HS3ST5: variants seen among roughly 807,000 people sequenced by gnomAD.
The protein encoded by HS3ST5 is heparan sulfate glucosamine 3-O-sulfotransferase 5.
A neutral mutation model predicts 25.4 loss-of-function variants in HS3ST5; 10 were observed. That is an observed-to-expected ratio of 0.39 (90% CI 0.24 to 0.67). HS3ST5 has a LOEUF of 0.67. Among genes scored for constraint, HS3ST5 ranks in the 30% least tolerant of loss-of-function variants. HS3ST5 has a pLI of 0.44. For missense variants in HS3ST5, 324 were observed against 420.7 expected (o/e 0.77, Z 2.01); for synonymous variants, 170 against 162.4 (o/e 1.05, Z -0.36).
intron 1 of HS3ST5, among the ~76,000 whole-genome samples, chr6:114,324,371 C>T (rs888021907): frequency 1.3e-5 from 2 of 152,206 alleles, no homozygotes; most frequent in African/African-American, 4.8e-5. Context: ...AGTTTCAGCT[C>T]ATCACTTTTC....
chr6:114,200,117 T>A (rs887428353), intron 2 of HS3ST5, among the ~76,000 whole-genome samples: 2 of 152,204 alleles, frequency 1.3e-5, no homozygotes, highest in African/African-American at 2.4e-5. Flanking sequence ...CTTGGGAGGC[T>A]GAGGCAGGAG....
At chr6:114,247,384 G>A (rs555743476) in intron 1 of HS3ST5, among the ~76,000 whole-genome samples, 4 of 152,156 alleles carry the variant, frequency 2.6e-5, no homozygotes, top group Non-Finnish European at 4.4e-5. Context: ...GATGAAAACC[G>A]GAAAATTGCA....
intron 2 of HS3ST5, among the ~76,000 whole-genome samples, chr6:114,190,890 C>T (rs1427267742): frequency 6.6e-6 from 1 of 152,182 alleles, no homozygotes; most frequent in Non-Finnish European, 1.5e-5. Flanking sequence ...AAGAGCTTCT[C>T]TGGCTGATAT....
intron 3 of HS3ST5, among the ~76,000 whole-genome samples, chr6:114,069,516 AT>A (rs373504728): frequency 4.5e-3 from 591 of 130,666 alleles, no homozygotes; most frequent in African/African-American, 7.9e-3. Flanking sequence ...ACATGGGAGA[AT>A]TTTTTTTTTT....
At chr6:114,227,223 T>C (rs1771340940) in intron 2 of HS3ST5, among the ~76,000 whole-genome samples, 1 of 100,102 alleles carries the variant, frequency 1.0e-5, no homozygotes, top group Non-Finnish European at 2.3e-5. Context: ...TATGTGCTAA[T>C]TGGCACTATT....
At chr6:114,299,043 C>T (rs866738390) in intron 1 of HS3ST5, among the ~76,000 whole-genome samples, 51 of 152,260 alleles carry the variant, frequency 3.3e-4, no homozygotes, top group Middle Eastern at 3.4e-3. Flanking sequence ...GTGAGCCGGG[C>T]GGAACAGAGC....
intron 1 of HS3ST5, chr6:114,231,509 T>G (rs893292517): frequency 6.6e-6 from 1 of 152,212 alleles, no homozygotes; most frequent in East Asian, 1.9e-4. Flanking sequence ...AAGAATGGTC[T>G]AATACAAAGT....
chr6:114,173,329 T>C (rs899501762), intron 2 of HS3ST5, among the ~76,000 whole-genome samples: 3 of 152,174 alleles, frequency 2.0e-5, no homozygotes, highest in Non-Finnish European at 4.4e-5. Context: ...TGTCAACTTA[T>C]AGTTGAAAAA....
chr6:114,100,153 C>G (rs1443143212), intron 3 of HS3ST5, among the ~76,000 whole-genome samples: 1 of 152,128 alleles, frequency 6.6e-6, no homozygotes, highest in Non-Finnish European at 1.5e-5. Flanking sequence ...TAGCTGAAGC[C>G]TACATGTGTG....
intron 1 of HS3ST5, among the ~76,000 whole-genome samples, chr6:114,232,834 C>G (rs1008041968): frequency 5.3e-5 from 8 of 152,142 alleles, no homozygotes; most frequent in Non-Finnish European, 1.0e-4. Flanking sequence ...TCCTCCTCTA[C>G]CACCATCATA....
chr6:114,074,062 C>T (rs1773981086), intron 3 of HS3ST5, among the ~76,000 whole-genome samples: 1 of 152,148 alleles, frequency 6.6e-6, no homozygotes, highest in African/African-American at 2.4e-5. Flanking sequence ...ACCAACACCG[C>T]ATGTTCTCAC....
chr6:114,080,885 T>C (rs886880580), intron 3 of HS3ST5, among the ~76,000 whole-genome samples: 32 of 152,128 alleles, frequency 2.1e-4, no homozygotes, highest in Non-Finnish European at 4.3e-4. Context: ...CAGGGTACAA[T>C]GTACCCAGGT....
intron 3 of HS3ST5, among the ~76,000 whole-genome samples, chr6:114,131,724 T>G (rs1344940067): frequency 6.6e-6 from 1 of 152,244 alleles, no homozygotes; most frequent in East Asian, 1.9e-4. Flanking sequence ...ACGTTTCTTT[T>G]TATGTAAAAA....
In HS3ST5 at chr6:114,062,758, T is replaced by G. The variant is rs1313905308; in HGVS notation, c.88A>C (p.Arg30=). ...AVGSLLYLVA[R]VGSLDRLQPI... Reference sequence around the variant, plus strand: ...ACCCACCTATCCAAGCTCCCAACTCTGGCGACTAGATACAGGAGACTCCCA... The same window carrying G: ...ACCCACCTATCCAAGCTCCCAACTCGGGCGACTAGATACAGGAGACTCCCA... Residue 30 remains arginine, a synonymous_variant, in exon 4 of 5, where the codon AGA becomes CGA. Transcript: ENST00000312719. The G allele has an allele frequency of 6.2e-7, 1 of 1,613,798 alleles. No homozygotes were observed. Among genetic ancestry groups the G allele is most frequent in the Non-Finnish European group, 8.5e-7 (1 of 1,179,700 alleles).
At chr6:114,118,848 T>C (rs901005909) in intron 3 of HS3ST5, among the ~76,000 whole-genome samples, 11 of 152,298 alleles carry the variant, frequency 7.2e-5, no homozygotes, top group African/African-American at 2.4e-4. Flanking sequence ...ACAGTTGGTG[T>C]GAAATGTGGG....
Position 114,168,424 on chromosome 6 carries a change from C to G in HS3ST5, c.-106G>C, listed in dbSNP as rs1053197382. 2.6e-5 allele frequency: 4 copies of G among 152,212 alleles called. No individual in the cohort carries two copies. Among genetic ancestry groups the G allele is most frequent in the Non-Finnish European group, 5.9e-5 (4 of 68,062 alleles). The allele number at this position is 152,212 out of a possible 1,614,324, so 9.4% of individuals were successfully genotyped here. ...CGGGTATTCCATGGCCTCTCCTCAC[C>G]TACTGGCTGTCCTTTTGGTTTATCC... is the stretch of plus-strand genomic sequence containing the variant. On this transcript the variant is annotated 5_prime_UTR_variant, in exon 3 of 5. Transcript: ENST00000312719.
chr6:114,190,601 G>A (rs1780454184), intron 2 of HS3ST5, among the ~76,000 whole-genome samples: 1 of 152,108 alleles, frequency 6.6e-6, no homozygotes, highest in South Asian at 2.1e-4. Flanking sequence ...GGATTTAGAA[G>A]GTCCCTGATA....
rs200398338 is a variant in HS3ST5 at position 114,252,885 on chromosome 6, AT to A, written c.-338-24108del. On this transcript the variant is annotated intron_variant, in intron 1 of 4. Coordinates refer to ENST00000312719, the MANE Select transcript of HS3ST5 (RefSeq NM_153612.4). ...CAATTTTAAATTTCCTGGTAACCAC[AT>A]TTTTTTTTTTAAGTTAAAAGAAACA... 1.8e-3 allele frequency among the ~76,000 whole-genome samples: 261 copies of A among 147,524 alleles called. 1 individual carries two copies. The highest frequency in any genetic ancestry group is 3.4e-3 in the Admixed American group (50 of 14,786).
At chr6:114,267,089 A>C (rs1582772832) in intron 1 of HS3ST5, among the ~76,000 whole-genome samples, 1 of 152,208 alleles carries the variant, frequency 6.6e-6, no homozygotes, top group East Asian at 1.9e-4. Context: ...CAGAAATGGC[A>C]ATCGTGACAC....
Sources: allele counts gnomAD v4.1 joint callset (sites outside exome capture counted in the v4.1 genomes callset), GRCh38; gene constraint gnomAD v4.1.1; transcripts MANE v1.5; gene names NCBI Gene and HGNC (gene_info 2026-07-23, HGNC 2026-07-21).